The following GALNTL6 variants were observed in gnomAD, a reference collection of about 807,000 sequenced individuals.
GALNTL6 encodes polypeptide N-acetylgalactosaminyltransferase-like 6.
Under a neutral mutation model 73.7 loss-of-function variants are expected in GALNTL6, and 46 were observed. That is an observed-to-expected ratio of 0.62 (90% CI 0.49 to 0.80). The LOEUF is 0.80. Ranked by LOEUF, GALNTL6 falls within the 30% of genes least tolerant of loss-of-function variation. The probability of loss-of-function intolerance (pLI) is 0.00; values close to 1 mark genes in which losing one functional copy is unlikely to be tolerated. For synonymous variants in GALNTL6, 259 were observed against 263.7 expected, an observed-to-expected ratio of 0.98 and a Z score of 0.17; for missense variants, 604 against 755.0, an observed-to-expected ratio of 0.80 and a Z score of 2.34.
At chr4:171,933,800 C>T (rs924879535) in intron 2 of GALNTL6, among the ~76,000 whole-genome samples, 4 of 152,096 alleles carry the variant, frequency 2.6e-5, no homozygotes, top group African/African-American at 9.7e-5. Flanking sequence ...TATGTCATCT[C>T]TCTATAACCT....
At chr4:172,823,986 G>T (rs1354007339) in intron 7 of GALNTL6, among the ~76,000 whole-genome samples, 1 of 152,040 alleles carries the variant, frequency 6.6e-6, no homozygotes, top group African/African-American at 2.4e-5. Flanking sequence ...GGGGCAATGG[G>T]CTTCAAGAGA....
intron 7 of GALNTL6, among the ~76,000 whole-genome samples, chr4:172,847,766 G>A (rs1412986687): frequency 6.6e-6 from 1 of 152,030 alleles, no homozygotes; most frequent in Non-Finnish European, 1.5e-5. Context: ...TTTTTATATT[G>A]CCTCACTTTT....
intron 2 of GALNTL6, among the ~76,000 whole-genome samples, chr4:171,816,866 A>C (rs1037369430): frequency 6.6e-6 from 1 of 152,028 alleles, no homozygotes; most frequent in African/African-American, 2.4e-5. Flanking sequence ...GAGTTAAGTC[A>C]TTAATATTGA....
chr4:172,003,276 C>A (rs1740734020), intron 2 of GALNTL6, among the ~76,000 whole-genome samples: 2 of 152,050 alleles, frequency 1.3e-5, no homozygotes, highest in Non-Finnish European at 1.5e-5. Context: ...ACACATCTAT[C>A]AAGATTTTAT....
chr4:172,176,721 GGAGGTTACAGT>G (rs1332168540), intron 2 of GALNTL6, among the ~76,000 whole-genome samples: 1 of 152,010 alleles, frequency 6.6e-6, no homozygotes, highest in Non-Finnish European at 1.5e-5. Flanking sequence ...CTCAGGAGTT[GGAGGTTACAGT>G]GAGCTAGGAT....
intron 5 of GALNTL6, among the ~76,000 whole-genome samples, chr4:172,523,960 G>A (rs1033521107): frequency 1.8e-4 from 27 of 152,086 alleles, no homozygotes; most frequent in Admixed American, 9.8e-4. Flanking sequence ...TGCTTCGAAG[G>A]CCCTCTCTTG....
chr4:172,217,813 GAACTGACT>G (rs763837111), intron 2 of GALNTL6, among the ~76,000 whole-genome samples: 6 of 152,136 alleles, frequency 3.9e-5, no homozygotes, highest in Admixed American at 2.0e-4. Flanking sequence ...CAGGTAACAG[GAACTGACT>G]AACTAATAAT....
chr4:172,310,042 C>G (rs1281314910), intron 3 of GALNTL6, among the ~76,000 whole-genome samples: 1 of 151,984 alleles, frequency 6.6e-6, no homozygotes, highest in Admixed American at 6.6e-5. Flanking sequence ...TCCAGAAAGG[C>G]CAGTTTATTA....
At chr4:172,013,912 C>G (rs10024618) in intron 2 of GALNTL6, among the ~76,000 whole-genome samples, 2 of 147,588 alleles carry the variant, frequency 1.4e-5, no homozygotes. Flanking sequence ...CTACTCTATA[C>G]CTCCATGAGT....
At chr4:172,150,540 T>C (rs534735349) in intron 2 of GALNTL6, among the ~76,000 whole-genome samples, 1 of 152,316 alleles carries the variant, frequency 6.6e-6, no homozygotes, top group South Asian at 2.1e-4. Context: ...CCAAGTCCCC[T>C]TTAGTCAGTA....
chr4:172,957,218 A>C (rs956709203), intron 10 of GALNTL6, among the ~76,000 whole-genome samples: 1 of 152,188 alleles, frequency 6.6e-6, no homozygotes, highest in African/African-American at 2.4e-5. Context: ...AGCGGATGGA[A>C]CACTGAGAAG....
At position 173,030,862 on chromosome 4, in the gene GALNTL6, C is replaced by CATAGT. The variant is rs920766520; in HGVS notation, c.1639-9070_1639-9066dup. On this transcript the variant is annotated intron_variant, in intron 12 of 12. Coordinates refer to ENST00000506823, the MANE Select transcript of GALNTL6 (RefSeq NM_001034845.3). ...CAAAAAAAAAAAAAAAAAAGCTGGG[C>CATAGT]ATAGTGGCACAGACCTGTGGTCCCA... is the stretch of plus-strand genomic sequence containing the variant. 2.7e-5 allele frequency among the ~76,000 whole-genome samples: 4 copies of CATAGT among 148,190 alleles called. No homozygotes were observed. The South Asian group carries it at 6.3e-4, about 24-fold the overall frequency.
intron 5 of GALNTL6, among the ~76,000 whole-genome samples, chr4:172,512,874 A>G (rs1734473787): frequency 6.7e-6 from 1 of 150,262 alleles, no homozygotes; most frequent in South Asian, 2.1e-4. Flanking sequence ...AGCTGTTAAG[A>G]TTCTTTCATT....
At chr4:171,896,194 G>T (rs1736907957) in intron 2 of GALNTL6, among the ~76,000 whole-genome samples, 1 of 152,168 alleles carries the variant, frequency 6.6e-6, no homozygotes, top group Non-Finnish European at 1.5e-5. Flanking sequence ...TACTTAAAAT[G>T]AAAAATATCT....
At chr4:172,942,860 G>C (rs1184996977) in intron 9 of GALNTL6, among the ~76,000 whole-genome samples, 1 of 152,090 alleles carries the variant, frequency 6.6e-6, no homozygotes. Context: ...CAAGATGACT[G>C]TCTCCTACCT....
intron 5 of GALNTL6, among the ~76,000 whole-genome samples, chr4:172,479,396 A>T (rs1272689353): frequency 2.6e-5 from 4 of 152,212 alleles, no homozygotes; most frequent in African/African-American, 4.8e-5. Flanking sequence ...ATTAAAAAAG[A>T]ATGAAATAAT....
At chr4:173,022,774 CAT>C (rs1753069133) in intron 12 of GALNTL6, among the ~76,000 whole-genome samples, 1 of 152,110 alleles carries the variant, frequency 6.6e-6, no homozygotes, top group South Asian at 2.1e-4. Flanking sequence ...AATTCAAAAA[CAT>C]ATATAAAGTC....
At chr4:171,818,999 AT>A (rs143210025) in intron 2 of GALNTL6, among the ~76,000 whole-genome samples, 2,844 of 149,126 alleles carry the variant, frequency 0.019, 45 homozygotes, top group Non-Finnish European at 0.032. Context: ...TGTCTTAGGC[AT>A]TTTTTTTTTA....
chr4:172,631,249 ATTC>A (rs1222164157), intron 5 of GALNTL6, among the ~76,000 whole-genome samples: 3 of 151,614 alleles, frequency 2.0e-5, no homozygotes, highest in Admixed American at 1.3e-4. Context: ...GGTTCTAGCA[ATTC>A]TTCTTCTTCA....
Sources: allele counts gnomAD v4.1 joint callset (sites outside exome capture counted in the v4.1 genomes callset), GRCh38; gene constraint gnomAD v4.1.1; transcripts MANE v1.5; gene names NCBI Gene and HGNC (gene_info 2026-07-23, HGNC 2026-07-21).